The following DYSF variants were observed in gnomAD, a reference collection of about 807,000 sequenced individuals.
The protein encoded by DYSF is dysferlin.
A neutral mutation model predicts 274.9 loss-of-function variants in DYSF; 212 were observed. That is an observed-to-expected ratio of 0.77 (90% CI 0.69 to 0.86). DYSF has a LOEUF of 0.86. Among genes scored for constraint, DYSF ranks in the 40% least tolerant of loss-of-function variants. The probability of loss-of-function intolerance (pLI) is 0.00; values close to 1 mark genes in which losing one functional copy is unlikely to be tolerated. For synonymous variants in DYSF, 1,091 were observed against 1,078.7 expected, an observed-to-expected ratio of 1.01 and a Z score of -0.22; for missense variants, 2,666 against 2,783.2, an observed-to-expected ratio of 0.96 and a Z score of 0.95.
chr2:71,486,697 G>A (rs550433034), intron 3 of DYSF, among the ~76,000 whole-genome samples: 7 of 152,280 alleles, frequency 4.6e-5, no homozygotes, highest in South Asian at 4.2e-4. Flanking sequence ...CCCTAAGCCC[G>A]AGGACCCCTG....
chr2:71,574,244 T>C lies in DYSF; in HGVS notation c.3275T>C (p.Leu1092Pro), dbSNP rs1414624488. The C allele has an allele frequency of 2.5e-6, 4 of 1,613,964 alleles. No homozygotes were observed. The highest frequency in any genetic ancestry group is 3.4e-6 in the Non-Finnish European group (4 of 1,180,014). ...AEGEGWEYASLFGWKFHLEYR... is the reference protein window; with the variant it reads ...AEGEGWEYASPFGWKFHLEYR... ...GGCGAGGGCTGGGAGTACGCCTCTC[T>C]TTTTGGCTGGAAGTTCCACCTCGAG... The change falls in exon 30 of 56, where the codon CTT becomes CCT. Residue 1092 changes from leucine (L) to proline (P), a missense_variant. Leu to Pro is a moderately conservative substitution (Grantham distance 98, BLOSUM62 -3). Around this residue, in one of 3 missense-constraint regions of DYSF, gnomAD observed 1,460 missense variants for 1,502.1 expected, o/e 0.97. Coordinates refer to ENST00000410020, the MANE Select transcript of DYSF (RefSeq NM_001130987.2).
intron 4 of DYSF, among the ~76,000 whole-genome samples, chr2:71,510,552 T>C (rs1294725015): frequency 6.6e-6 from 1 of 152,202 alleles, no homozygotes; most frequent in African/African-American, 2.4e-5. Flanking sequence ...AGCCCTGCTT[T>C]CCACCAGTGC....
At chr2:71,601,220 C>T (rs759077720) in intron 34 of DYSF, 48 of 600,324 alleles carry the variant, frequency 8.0e-5, no homozygotes, top group Non-Finnish European at 1.2e-4. Flanking sequence ...AGCCACTCCC[C>T]TGCTGTAAAA....
chr2:71,498,562 C>T (rs528955692), intron 3 of DYSF, among the ~76,000 whole-genome samples: 1 of 152,190 alleles, frequency 6.6e-6, no homozygotes, highest in Non-Finnish European at 1.5e-5. Flanking sequence ...TGGGGAGGCT[C>T]GGAATCCCGT....
intron 23 of DYSF, among the ~76,000 whole-genome samples, chr2:71,563,069 G>A (rs2091875130): frequency 6.6e-6 from 1 of 152,166 alleles, no homozygotes; most frequent in Non-Finnish European, 1.5e-5. Context: ...CCCACCCCTC[G>A]AGTTCCTGCC....
chr2:71,516,206 T>C lies in DYSF; in HGVS notation c.915T>C (p.Ser305=). ...NETLFFNLFD[S]PGELFDEPIF... The stretch of plus-strand genomic sequence containing the variant: ...CTCTTTTCTTCAACTTGTTTGACTC[T>C]CCTGGGGAGCTGTTTGATGAGCCCA... Residue 305 remains serine, a synonymous_variant, in exon 9 of 56, where the codon TCT becomes TCC. Transcript: ENST00000410020. 2 of 1,614,250 alleles carry C rather than the reference T, an allele frequency of 1.2e-6. No individual in the cohort carries two copies. Among genetic ancestry groups the C allele is most frequent in the Non-Finnish European group, 1.7e-6 (2 of 1,180,042 alleles).
rs963586500 is a variant in DYSF at position 71,480,905 on chromosome 2, C to A, written c.114C>A (p.Val38=). The stretch of plus-strand genomic sequence containing the variant: ...TAGGGGTGAAGAAGAGAACCAAAGT[C>A]ATCAAGAACAGCGTGAACCCTGTAT... ...TFRGVKKRTK[V]IKNSVNPVWN... Residue 38 remains valine, a synonymous_variant, in exon 2 of 56, where the codon GTC becomes GTA. Transcript: ENST00000410020. The A allele has an allele frequency of 6.2e-7, 1 of 1,614,172 alleles. No homozygotes were observed. Among genetic ancestry groups the A allele is most frequent in the Non-Finnish European group, 8.5e-7 (1 of 1,180,000 alleles).
intron 16 of DYSF, among the ~76,000 whole-genome samples, chr2:71,537,553 TC>T (rs1201372245): frequency 6.6e-6 from 1 of 152,178 alleles, no homozygotes; most frequent in Non-Finnish European, 1.5e-5. Context: ...GCTTTTCAGT[TC>T]TTATTAATAT....
At chr2:71,576,845 G>C (rs932876585) in intron 30 of DYSF, 9 of 152,342 alleles carry the variant, frequency 5.9e-5, no homozygotes, top group African/African-American at 1.9e-4. Flanking sequence ...GGAGAATGAG[G>C]GGGGGCACTT....
At chr2:71,629,873 C>T (rs1326446815) in intron 41 of DYSF, among the ~76,000 whole-genome samples, 3 of 152,198 alleles carry the variant, frequency 2.0e-5, no homozygotes, top group Admixed American at 2.0e-4. Context: ...AATTTGAAGT[C>T]ATGGTTTTCA....
rs568005420 is a variant in DYSF, at chr2:71,486,166, A to G, written c.239+4196A>G. On this transcript the variant is annotated intron_variant, in intron 3 of 55. Coordinates refer to ENST00000410020, the MANE Select transcript of DYSF (RefSeq NM_001130987.2). ...GCAGCCACCCGTTTTGTTTGTGGGA[A>G]TCCTGGGCGTGTCTTCTGTGAGCTC... 3.3e-5 allele frequency among the ~76,000 whole-genome samples: 5 copies of G among 151,996 alleles called. No individual in the cohort carries two copies. In the East Asian group the frequency reaches 9.7e-4, roughly 30 times the overall value.
chr2:71,493,546 A>C (rs1042408765), intron 3 of DYSF, among the ~76,000 whole-genome samples: 1 of 152,204 alleles, frequency 6.6e-6, no homozygotes, highest in Non-Finnish European at 1.5e-5. Flanking sequence ...GTATTTAAGG[A>C]GGTAAAGAAA....
chr2:71,454,197 C>T, intron 1 of DYSF: 2 of 1,069,892 alleles, frequency 1.9e-6, no homozygotes, highest in Non-Finnish European at 2.8e-6. Context: ...GACTTTCTGG[C>T]CCCGCCAGAC....
intron 37 of DYSF, 59 bp downstream of exon 37, chr2:71,611,405 C>G: frequency 1.2e-6 from 2 of 1,613,970 alleles, no homozygotes; most frequent in Non-Finnish European, 1.7e-6. Flanking sequence ...CCCTTCCTGG[C>G]CCCAGCCTTT....
At chr2:71,563,943 G>A in intron 23 of DYSF, 115 bp from the exon 24 acceptor site, 2 of 1,435,046 alleles carry the variant, frequency 1.4e-6, no homozygotes, top group Non-Finnish European at 1.9e-6. Context: ...TGGGATGGAA[G>A]CTGGGAGAGG....
intron 3 of DYSF, among the ~76,000 whole-genome samples, chr2:71,484,935 T>C (rs1340441616): frequency 2.0e-5 from 3 of 152,102 alleles, no homozygotes; most frequent in African/African-American, 7.2e-5. Flanking sequence ...CTGTGGGTGT[T>C]CTCTAGCTCC....
At chr2:71,454,174 C>A in intron 1 of DYSF, 2 of 1,322,916 alleles carry the variant, frequency 1.5e-6, no homozygotes, top group Non-Finnish European at 2.1e-6. Context: ...GCACCTAGAG[C>A]TGAGAGACAG....
At chr2:71,460,996 C>T (rs1558915338) in intron 1 of DYSF, among the ~76,000 whole-genome samples, 1 of 151,856 alleles carries the variant, frequency 6.6e-6, no homozygotes, top group East Asian at 1.9e-4. Context: ...TCCAAAAGTC[C>T]CTCTAGGGGG....
rs1574486712 is a variant in DYSF, at chr2:71,634,632, T to C, written c.4528-9333T>C. Among the ~76,000 whole-genome samples the C allele has an allele frequency of 2.6e-5, 4 of 152,364 alleles. No homozygotes were observed. The South Asian group carries it at 8.3e-4, about 32-fold the overall frequency. ...CTGTAAATCAACTTAATCTCTCCTGTGAGCCCACATTTTTCCTGATGGCAG... is the reference window on the plus strand; with the variant it reads ...CTGTAAATCAACTTAATCTCTCCTGCGAGCCCACATTTTTCCTGATGGCAG... On this transcript the variant is annotated intron_variant, in intron 41 of 55. Coordinates refer to ENST00000410020, the MANE Select transcript of DYSF (RefSeq NM_001130987.2).
Sources: allele counts gnomAD v4.1 joint callset (sites outside exome capture counted in the v4.1 genomes callset), GRCh38; gene constraint gnomAD v4.1.1; regional missense constraint gnomAD v4.1.1; transcripts MANE v1.5; gene names NCBI Gene and HGNC (gene_info 2026-07-23, HGNC 2026-07-21).